The following ROCK1 variants were observed in gnomAD, a reference collection of about 807,000 sequenced individuals.
The protein encoded by ROCK1 is rho-associated protein kinase 1.
Under a neutral mutation model 196.8 loss-of-function variants are expected in ROCK1, and 36 were observed. The ratio of observed to expected loss-of-function variants is 0.18; its 90% CI spans 0.14 to 0.24. The LOEUF is 0.24. Among genes scored for constraint, ROCK1 ranks in the 10% least tolerant of loss-of-function variants. The probability of loss-of-function intolerance (pLI) is 1.00; values close to 1 mark genes in which losing one functional copy is unlikely to be tolerated. For missense variants in ROCK1, 920 were observed against 1,562.0 expected (o/e 0.59, Z 6.93); for synonymous variants, 443 against 515.9 (o/e 0.86, Z 1.91).
chr18:20,970,306 T>C, intron 23 of ROCK1, 42 bp downstream of exon 23: 2 of 1,509,178 alleles, frequency 1.3e-6, no homozygotes, highest in Non-Finnish European at 1.8e-6. Context: ...CCTATTGTGA[T>C]TTAAATAAAT....
chr18:20,950,348 AATT>A lies in ROCK1; in HGVS notation c.*1033_*1035del, dbSNP rs1205858376. 6.6e-6 allele frequency: 1 copy of A among 152,646 alleles called. No individual in the cohort carries two copies. Among genetic ancestry groups the A allele is most frequent in the African/African-American group, 2.4e-5 (1 of 41,454 alleles). The allele number at this position is 152,646 out of a possible 1,614,324, so 9.5% of individuals were successfully genotyped here. A position where few individuals can be genotyped will look rare whatever the true frequency, so the allele number is the denominator to read the frequency against. Reference sequence around the variant, plus strand: ...ACCTCTAAATATTTTAAATTAAACCAATTATCAATGAAAAACTCACTGACACAC... The same window carrying A: ...ACCTCTAAATATTTTAAATTAAACCAATCAATGAAAAACTCACTGACACAC... On this transcript the variant is annotated 3_prime_UTR_variant, in exon 33 of 33. Transcript: ENST00000399799.
intron 16 of ROCK1, among the ~76,000 whole-genome samples, chr18:20,996,030 G>A (rs1479521661): frequency 6.6e-6 from 1 of 151,962 alleles, no homozygotes; most frequent in South Asian, 2.1e-4. Context: ...CAAACATCAC[G>A]ACCATTCAGG....
At chr18:20,989,937 C>A (rs1443918131) in intron 18 of ROCK1, among the ~76,000 whole-genome samples, 12 of 151,940 alleles carry the variant, frequency 7.9e-5, no homozygotes, top group Admixed American at 5.9e-4. Context: ...AAACTTATGA[C>A]CGATATGTTC....
In ROCK1 at chr18:20,970,358, G is replaced by A; in HGVS notation, c.2810C>T (p.Thr937Ile). 1 of 1,613,362 alleles carries A rather than the reference G, an allele frequency of 6.2e-7. No homozygotes were observed. Among genetic ancestry groups the A allele is most frequent in the South Asian group, 1.1e-5 (1 of 91,056 alleles). Residue 937 changes from threonine to isoleucine, a missense_variant, in exon 23 of 33, where the codon ACT becomes ATT. Physicochemically the swap from Thr to Ile is moderately conservative, Grantham distance 89. Transcript: ENST00000399799. ...GACTATCACACTTACCCGACTAACA[G>A]TGTGATCTTTATCTGTAATCTCTTG... ...NRQEITDKDH[T>I]VSRLEEANSM...
At chr18:21,108,511 A>T (rs1048238644) in intron 1 of ROCK1, among the ~76,000 whole-genome samples, 8 of 152,126 alleles carry the variant, frequency 5.3e-5, no homozygotes, top group Non-Finnish European at 8.8e-5. Context: ...AACGAATCTA[A>T]AATTGAATTT....
chr18:21,077,125 C>A (rs1302115943), intron 1 of ROCK1, among the ~76,000 whole-genome samples: 2 of 151,772 alleles, frequency 1.3e-5, no homozygotes, highest in South Asian at 4.2e-4. Flanking sequence ...AGGCGCCCAC[C>A]ACCGCGCCCG....
At chr18:20,998,977 A>C (rs975134974) in intron 16 of ROCK1, among the ~76,000 whole-genome samples, 3 of 152,194 alleles carry the variant, frequency 2.0e-5, no homozygotes, top group South Asian at 4.1e-4. Flanking sequence ...AGAGGAGGAG[A>C]GAATGTTTCC....
At chr18:20,957,825 T>G (rs2035260215) in intron 29 of ROCK1, among the ~76,000 whole-genome samples, 1 of 151,846 alleles carries the variant, frequency 6.6e-6, no homozygotes, top group African/African-American at 2.4e-5. Context: ...AAAAAAAAAT[T>G]CTTTTTTCAG....
intron 19 of ROCK1, among the ~76,000 whole-genome samples, 156 bp downstream of exon 19, chr18:20,986,794 G>A (rs555477694): frequency 3.0e-4 from 45 of 152,288 alleles, no homozygotes; most frequent in African/African-American, 8.9e-4. Context: ...GAAAATTCTA[G>A]GTGCTGGGGT....
chr18:20,959,057 T>TTTTATATAA (rs1555743135), intron 29 of ROCK1, among the ~76,000 whole-genome samples: 1 of 46,920 alleles, frequency 2.1e-5, no homozygotes, highest in African/African-American at 1.6e-4. Flanking sequence ...AATATATATA[T>TTTTATATAA]TATATTTTAT....
chr18:20,998,768 C>A (rs1356724012), intron 16 of ROCK1, among the ~76,000 whole-genome samples: 1 of 151,864 alleles, frequency 6.6e-6, no homozygotes, highest in Middle Eastern at 3.2e-3. Flanking sequence ...CCATGCCCAG[C>A]TAATTTTGTA....
At chr18:21,093,848 C>T (rs1373782087) in intron 1 of ROCK1, among the ~76,000 whole-genome samples, 8 of 151,426 alleles carry the variant, frequency 5.3e-5, no homozygotes, top group African/African-American at 1.7e-4. Flanking sequence ...CCCAGCTACT[C>T]GGGAGGCTGA....
At chr18:21,108,630 C>G (rs1273826361) in intron 1 of ROCK1, among the ~76,000 whole-genome samples, 4 of 152,206 alleles carry the variant, frequency 2.6e-5, no homozygotes, top group Non-Finnish European at 5.9e-5. Context: ...ACTATTGCCT[C>G]TCTCTTTGGT....
At chr18:20,982,314 TG>T (rs1282863265) in intron 21 of ROCK1, among the ~76,000 whole-genome samples, 4 of 152,222 alleles carry the variant, frequency 2.6e-5, no homozygotes, top group Non-Finnish European at 4.4e-5. Context: ...GCAGCACAGA[TG>T]ACCTTGGCTT....
intron 12 of ROCK1, among the ~76,000 whole-genome samples, chr18:21,018,267 C>T (rs1270587446): frequency 6.6e-6 from 1 of 152,012 alleles, no homozygotes; most frequent in African/African-American, 2.4e-5. Flanking sequence ...CGGTGGCTCA[C>T]GCCTGCAATC....
Position 21,070,582 on chromosome 18 carries a change from T to C in ROCK1, c.125A>G (p.Asp42Gly). ...DGLDALVYDL[D>G]FPALRKNKNI... ...TTTGTTTTTTCTTAAGGCAGGAAAA[T>C]CCAAATCATATACCAAAGCATCCAA... is the stretch of plus-strand genomic sequence containing the variant. Residue 42 changes from aspartate to glycine, a missense_variant, in exon 2 of 33, where the codon GAT becomes GGT. Asp to Gly is a moderately conservative substitution (Grantham distance 94). Coordinates refer to ENST00000399799, the MANE Select transcript of ROCK1 (RefSeq NM_005406.3). The C allele has an allele frequency of 6.2e-7, 1 of 1,606,792 alleles. No individual in the cohort carries two copies. The highest frequency in any genetic ancestry group is 1.1e-5 in the South Asian group (1 of 89,660).
rs573377314 is a variant in ROCK1, at chr18:20,949,305, C to T, written c.*2079G>A. ...TATCCTGTTTGCATGCTGCCAGTCA[C>T]AGTTTCATGGATCCTGACAAAAGAG... On this transcript the variant is annotated 3_prime_UTR_variant, in exon 33 of 33. Transcript: ENST00000399799. The T allele has an allele frequency of 1.1e-4, 16 of 152,092 alleles. No individual in the cohort carries two copies. Among genetic ancestry groups the T allele is most frequent in the African/African-American group, 3.1e-4 (13 of 41,396 alleles). The allele number at this position is 152,092 out of a possible 1,614,324, so 9.4% of individuals were successfully genotyped here.
rs556427853 is a variant in ROCK1, at chr18:20,997,070, A to C, written c.1886-4133T>G. ...GACCACAAAACAATCACAAAAAAATAACAAAATGGCAGGAGTATGTCCCTA... is the reference window on the plus strand; with the variant it reads ...GACCACAAAACAATCACAAAAAAATCACAAAATGGCAGGAGTATGTCCCTA... On this transcript the variant is annotated intron_variant, in intron 16 of 32. Transcript: ENST00000399799. Among the ~76,000 whole-genome samples the C allele has an allele frequency of 2.0e-5, 3 of 152,326 alleles. No individual in the cohort carries two copies. In the South Asian group the frequency reaches 6.2e-4, roughly 32 times the overall value.
At chr18:21,017,666 G>T (rs1187564712) in intron 12 of ROCK1, among the ~76,000 whole-genome samples, 1 of 151,846 alleles carries the variant, frequency 6.6e-6, no homozygotes, top group African/African-American at 2.4e-5. Flanking sequence ...TGAATGCAGA[G>T]AATTTGATTT....
Sources: allele counts gnomAD v4.1 joint callset (sites outside exome capture counted in the v4.1 genomes callset), GRCh38; gene constraint gnomAD v4.1.1; transcripts MANE v1.5; gene names NCBI Gene and HGNC (gene_info 2026-07-23, HGNC 2026-07-21).